The following TACR3 variants were observed in gnomAD, a reference collection of about 807,000 sequenced individuals.
TACR3 encodes tachykinin receptor 3.
TACR3 carries 34 observed loss-of-function variants against 35.0 expected under a neutral mutation model. The observed-to-expected ratio is 0.97, with a 90% CI of 0.74 to 1.30. The LOEUF (loss-of-function observed/expected upper bound fraction) is 1.30. Among genes scored for constraint, TACR3 ranks in the 50% most tolerant of loss-of-function variants. The pLI is 0.00. For synonymous variants in TACR3, 233 were observed against 221.1 expected (o/e 1.05, Z -0.48); for missense variants, 558 against 591.7 (o/e 0.94, Z 0.59).
chr4:103,650,655 AATATAT>A (rs1373242018), intron 3 of TACR3, among the ~76,000 whole-genome samples: 7 of 52,712 alleles, frequency 1.3e-4, no homozygotes, highest in African/African-American at 9.8e-4. Flanking sequence ...AATATATATA[AATATAT>A]ATAAATAAAT....
intron 3 of TACR3, among the ~76,000 whole-genome samples, chr4:103,635,045 T>A (rs1725150325): frequency 6.6e-6 from 1 of 152,002 alleles, no homozygotes; most frequent in Non-Finnish European, 1.5e-5. Flanking sequence ...ATAGCTTGCT[T>A]GCCTCACCAT....
At chr4:103,716,214 CTTGT>C (rs1214521836) in intron 1 of TACR3, among the ~76,000 whole-genome samples, 1 of 127,310 alleles carries the variant, frequency 7.9e-6, no homozygotes, top group East Asian at 2.4e-4. Context: ...ATAATTTTAT[CTTGT>C]GTGTGTGTGT....
At chr4:103,680,799 G>A (rs182196607) in intron 1 of TACR3, among the ~76,000 whole-genome samples, 108 of 151,570 alleles carry the variant, frequency 7.1e-4, no homozygotes, top group Admixed American at 4.2e-3. Context: ...TCTATAATAA[G>A]CCATTTCATC....
At chr4:103,677,898 G>A (rs190084380) in intron 1 of TACR3, among the ~76,000 whole-genome samples, 2 of 150,374 alleles carry the variant, frequency 1.3e-5, no homozygotes, top group African/African-American at 5.0e-5. Context: ...AAGAAAAAAG[G>A]TGGTTCTTAG....
chr4:103,603,376 C>T (rs1045140348), intron 3 of TACR3, among the ~76,000 whole-genome samples: 6 of 152,340 alleles, frequency 3.9e-5, no homozygotes, highest in South Asian at 2.1e-4. Context: ...TGCTTTGGCT[C>T]GTGCACGGTG....
intron 1 of TACR3, among the ~76,000 whole-genome samples, chr4:103,666,832 A>C (rs1725946617): frequency 6.6e-6 from 1 of 152,196 alleles, no homozygotes; most frequent in South Asian, 2.1e-4. Context: ...TAAAATTCTA[A>C]ATCACTCTTT....
chr4:103,638,574 C>G (rs1376394425), intron 3 of TACR3, among the ~76,000 whole-genome samples: 13 of 151,944 alleles, frequency 8.6e-5, no homozygotes, highest in South Asian at 4.2e-4. Flanking sequence ...GGCAACAAAA[C>G]CCAAAATTGA....
chr4:103,618,280 C>G (rs959597719), intron 3 of TACR3, among the ~76,000 whole-genome samples: 2 of 152,136 alleles, frequency 1.3e-5, no homozygotes, highest in African/African-American at 4.8e-5. Flanking sequence ...AGTCCAGCTT[C>G]AATCTTCTGC....
intron 3 of TACR3, among the ~76,000 whole-genome samples, chr4:103,607,812 G>C (rs1368691284): frequency 6.6e-6 from 1 of 152,120 alleles, no homozygotes; most frequent in Non-Finnish European, 1.5e-5. Flanking sequence ...GGCTGGAAAG[G>C]ATATCAGGAA....
intron 1 of TACR3, among the ~76,000 whole-genome samples, chr4:103,712,910 C>T (rs1161415012): frequency 1.3e-5 from 2 of 152,174 alleles, no homozygotes; most frequent in Non-Finnish European, 2.9e-5. Flanking sequence ...AAATGCAAAT[C>T]AAAACCACAA....
intron 3 of TACR3, among the ~76,000 whole-genome samples, chr4:103,644,732 C>G (rs571323910): frequency 6.6e-6 from 1 of 151,194 alleles, no homozygotes; most frequent in Non-Finnish European, 1.5e-5. Flanking sequence ...TGATAACATG[C>G]CTTTTTAAAA....
intron 1 of TACR3, among the ~76,000 whole-genome samples, chr4:103,696,480 C>A (rs1405560398): frequency 6.6e-6 from 1 of 152,148 alleles, no homozygotes; most frequent in African/African-American, 2.4e-5. Flanking sequence ...TTGCCTTCTT[C>A]TTGCCATATA....
At chr4:103,718,105 G>GT (rs979553427) in intron 1 of TACR3, among the ~76,000 whole-genome samples, 4 of 150,978 alleles carry the variant, frequency 2.6e-5, no homozygotes, top group Admixed American at 6.6e-5. Context: ...GAAATAACCT[G>GT]TTTTTTCTTA....
At chr4:103,695,259 G>A (rs760475017) in intron 1 of TACR3, among the ~76,000 whole-genome samples, 4 of 152,038 alleles carry the variant, frequency 2.6e-5, no homozygotes, top group East Asian at 1.9e-4. Context: ...ACTTATACGC[G>A]GATTGTTTTC....
intron 3 of TACR3, among the ~76,000 whole-genome samples, chr4:103,648,985 G>A (rs1009376810): frequency 6.6e-6 from 1 of 152,006 alleles, no homozygotes; most frequent in Non-Finnish European, 1.5e-5. Flanking sequence ...CATTTTAGTT[G>A]GGGTAAAATG....
At chr4:103,681,926 A>T (rs1223730436) in intron 1 of TACR3, among the ~76,000 whole-genome samples, 1 of 152,184 alleles carries the variant, frequency 6.6e-6, no homozygotes, top group African/African-American at 2.4e-5. Flanking sequence ...TAATGGAATT[A>T]AACTGGAAAT....
chr4:103,604,784 G>T (rs1724307896), intron 3 of TACR3, among the ~76,000 whole-genome samples: 1 of 147,664 alleles, frequency 6.8e-6, no homozygotes, highest in East Asian at 1.9e-4. Flanking sequence ...ACATATGAAA[G>T]AAAGCTCATC....
At chr4:103,688,582 G>T (rs1287649858) in intron 1 of TACR3, among the ~76,000 whole-genome samples, 1 of 149,628 alleles carries the variant, frequency 6.7e-6, no homozygotes, top group Non-Finnish European at 1.5e-5. Context: ...TCAAAAAGTG[G>T]GCGAAGGACA....
intron 3 of TACR3, among the ~76,000 whole-genome samples, chr4:103,596,173 C>A (rs1384586982): frequency 3.4e-5 from 5 of 149,118 alleles, no homozygotes; most frequent in Admixed American, 6.7e-5. Context: ...GGGGTGGTTC[C>A]AAGTCTTTGC....
Sources: allele counts gnomAD v4.1 joint callset (sites outside exome capture counted in the v4.1 genomes callset), GRCh38; gene constraint gnomAD v4.1.1; transcripts MANE v1.5; gene names NCBI Gene and HGNC (gene_info 2026-07-23, HGNC 2026-07-21).